Variants in DOK4 observed in about 807,000 individuals in gnomAD.
DOK4 encodes the protein downstream of tyrosine kinase 4.
Under a neutral mutation model 40.1 loss-of-function variants are expected in DOK4, and 26 were observed. That is an observed-to-expected ratio of 0.65 (90% CI 0.48 to 0.90). The LOEUF is 0.90. Ranked by LOEUF, DOK4 falls within the 40% of genes least tolerant of loss-of-function variation. The pLI is 0.00. For missense variants in DOK4, 392 were observed against 437.2 expected, an observed-to-expected ratio of 0.90 and a Z score of 0.92; for synonymous variants, 179 against 177.0, an observed-to-expected ratio of 1.01 and a Z score of -0.09.
rs2031343620 is a variant in DOK4 at position 57,479,653 on chromosome 16, C to T, written c.-146G>A. The stretch of plus-strand genomic sequence containing the variant: ...GGGCTGCTCCTCACCTCACCCGCCT[C>T]AGCATTGTTCTAGCAGCTCCTTCGC... On this transcript the variant is annotated 5_prime_UTR_variant, in exon 2 of 9. It removes the in-frame stop codon of an upstream open reading frame in the 5' UTR. Coordinates refer to ENST00000340099, the Ensembl canonical transcript of DOK4. This position sits in a 1 kb window ranked among gnomAD's most constrained non-coding sequence, Gnocchi z 5.8. 1 of 756,714 alleles carries T rather than the reference C, an allele frequency of 1.3e-6. No individual in the cohort carries two copies. Among genetic ancestry groups the T allele is most frequent in the Non-Finnish European group, 2.2e-6 (1 of 449,064 alleles). 46.9% of individuals were successfully genotyped at this position (756,714 alleles called of 1,614,324 possible). A position where few individuals can be genotyped will look rare whatever the true frequency, so the allele number is the denominator to read the frequency against.
intron 2 of DOK4, 35 bp from the exon 3 acceptor site, chr16:57,475,992 G>A (rs756541176): frequency 9.0e-6 from 14 of 1,557,556 alleles, no homozygotes; most frequent in Admixed American, 1.8e-5. Context: ...AGGCCTCCCT[G>A]GACCACTCCC....
At chr16:57,473,243 G>A in exon 9 of DOK4, 1 of 1,350,038 alleles carries the variant, frequency 7.4e-7, no homozygotes, top group African/African-American at 1.5e-5. Flanking sequence ...TCATCCTTGG[G>A]GGCAAGGAGG....
In DOK4 at chr16:57,475,632, T is replaced by A. The variant is rs1174090553; in HGVS notation, c.175-12A>T. On this transcript the variant is annotated splice_polypyrimidine_tract_variant and intron_variant, in intron 3 of 8. Coordinates refer to ENST00000340099, the Ensembl canonical transcript of DOK4. ...CTGATCTCAGTCACCTGGGACAGCA[T>A]CCACAAGGGACTTAGCCAGGCCAGT... The A allele has an allele frequency of 6.4e-7, 1 of 1,569,636 alleles. No individual in the cohort carries two copies. The highest frequency in any genetic ancestry group is 1.4e-5 in the African/African-American group (1 of 71,076).
At chr16:57,487,255 C>G (rs1333952156), upstream of DOK4, 1 of 152,234 alleles carries the variant, frequency 6.6e-6, no homozygotes, top group East Asian at 1.9e-4. Context: ...CCTTTTTACA[C>G]CAGGGCTTCT....
rs1189626423 is a variant in DOK4 at position 57,479,253 on chromosome 16, C to T, written c.66+189G>A. 6.6e-6 allele frequency among the ~76,000 whole-genome samples: 1 copy of T among 152,250 alleles called. No individual in the cohort carries two copies. Among genetic ancestry groups the T allele is most frequent in the Non-Finnish European group, 1.5e-5 (1 of 68,044 alleles). ...AGCCAGCCCTCTGGGGCGGGGGCTG[C>T]AGCAGGCAGAACCCAGCCCAGGCAC... On this transcript the variant is annotated intron_variant, in intron 2 of 8. Coordinates refer to ENST00000340099, the Ensembl canonical transcript of DOK4. The surrounding 1 kb of genome is among the most constrained non-coding windows in gnomAD (Gnocchi z 5.8).
chr16:57,481,417 T>C (rs1468573644), intron 1 of DOK4: 1 of 152,300 alleles, frequency 6.6e-6, no homozygotes, highest in Non-Finnish European at 1.5e-5. Flanking sequence ...AGGTCTGGTC[T>C]GGGGTCCCCT....
rs1193972556 is a variant in DOK4, at chr16:57,485,120, A to G, written c.-182+1185T>C. On this transcript the variant is annotated intron_variant, in intron 1 of 8. Transcript: ENST00000340099. The surrounding 1 kb of genome is among the most constrained non-coding windows in gnomAD (Gnocchi z 4.3). ...GGTGCGTGAGCCACAGTGGGCTCCCAGCTCCTGGGTCTCAGCGCTGACTGG... is the reference window on the plus strand; with the variant it reads ...GGTGCGTGAGCCACAGTGGGCTCCCGGCTCCTGGGTCTCAGCGCTGACTGG... Among the ~76,000 whole-genome samples the G allele has an allele frequency of 1.3e-5, 2 of 152,196 alleles. No individual in the cohort carries two copies.
exon 6 of DOK4, chr16:57,474,797 C>T: frequency 6.2e-7 from 1 of 1,613,764 alleles, no homozygotes; most frequent in South Asian, 1.1e-5. Context: ...TCCTACCGGC[C>T]AGCCTCGAAG....
chr16:57,484,997 G>A (rs1259153533), intron 1 of DOK4, among the ~76,000 whole-genome samples: 26 of 152,320 alleles, frequency 1.7e-4, no homozygotes, highest in African/African-American at 5.5e-4. Context: ...AATATTTGGG[G>A]GCTGAACACG....
At chr16:57,478,016 G>A (rs1392269683) in intron 2 of DOK4, among the ~76,000 whole-genome samples, 7 of 152,236 alleles carry the variant, frequency 4.6e-5, no homozygotes, top group African/African-American at 1.4e-4. Flanking sequence ...GGCACACTCT[G>A]CCCTGGGCAA....
rs2031031116 is a variant in DOK4, at chr16:57,474,106, C to A, written c.600-67G>T. Reference sequence around the variant, plus strand: ...ACAGACATGCATGTGATTAGTTAGGCTCTCTTGCAACTGCAAGTTGTGGTT... The same window carrying A: ...ACAGACATGCATGTGATTAGTTAGGATCTCTTGCAACTGCAAGTTGTGGTT... On this transcript the variant is annotated intron_variant, in intron 6 of 8. Transcript: ENST00000340099. 2.5e-6 allele frequency: 4 copies of A among 1,595,916 alleles called. No homozygotes were observed. The East Asian group carries it at 9.0e-5, about 36-fold the overall frequency.
At chr16:57,478,506 G>T (rs920608836) in intron 2 of DOK4, 1 of 152,284 alleles carries the variant, frequency 6.6e-6, no homozygotes, top group African/African-American at 2.4e-5. Flanking sequence ...CAGTCACCAG[G>T]GCTGTCCTTC....
At chr16:57,472,101 C>T (rs2030873248) in exon 9 of DOK4, 1 of 152,666 alleles carries the variant, frequency 6.6e-6, no homozygotes, top group African/African-American at 2.4e-5. Flanking sequence ...TACAGGCTAG[C>T]TCATCCCTCT....
At chr16:57,473,621 C>G (rs1343540623) in exon 8 of DOK4, 1 of 1,614,258 alleles carries the variant, frequency 6.2e-7, no homozygotes, top group Non-Finnish European at 8.5e-7. Context: ...ACCAGCATAG[C>G]TGGAGGCTTC....
In DOK4 at chr16:57,479,593, A is replaced by C; in HGVS notation, c.-86T>G. 7 of 1,462,544 alleles carry C rather than the reference A, an allele frequency of 4.8e-6. No homozygotes were observed. Among genetic ancestry groups the C allele is most frequent in the South Asian group, 1.2e-5 (1 of 86,806 alleles). The allele number at this position is 1,462,544 out of a possible 1,614,324, so 90.6% of individuals were successfully genotyped here. On this transcript the variant is annotated 5_prime_UTR_variant, in exon 2 of 9. Coordinates refer to ENST00000340099, the Ensembl canonical transcript of DOK4. This position sits in a 1 kb window ranked among gnomAD's most constrained non-coding sequence, Gnocchi z 5.8. ...GCCTGGGTCTCCGGCTCCTCCAATC[A>C]CCTGTTCCAGACACTCTGTCGGGGC...
chr16:57,476,105 A>G, intron 2 of DOK4, 148 bp from the exon 3 acceptor site: 1 of 640,110 alleles, frequency 1.6e-6, no homozygotes, highest in Non-Finnish European at 2.8e-6. Context: ...GGTGGGAGTC[A>G]CCAGCAGTGT....
At position 57,479,386 on chromosome 16, in the gene DOK4, G is replaced by A. The variant is rs1395931117; in HGVS notation, c.66+56C>T. 7.5e-6 allele frequency: 12 copies of A among 1,595,564 alleles called. No homozygotes were observed. In the East Asian group the frequency reaches 9.0e-5, roughly 12 times the overall value. On this transcript the variant is annotated intron_variant, in intron 2 of 8. Coordinates refer to ENST00000340099, the Ensembl canonical transcript of DOK4. The surrounding 1 kb of genome is among the most constrained non-coding windows in gnomAD (Gnocchi z 5.8). ...GCGCCATGCCTCCAAGCCTGGGACC[G>A]AGTCCTCGGGCCCCCATCCCTTGGC...
intron 1 of DOK4, among the ~76,000 whole-genome samples, chr16:57,480,743 T>A (rs1348861969): frequency 1.3e-5 from 2 of 152,078 alleles, no homozygotes; most frequent in African/African-American, 4.8e-5. Context: ...ATCAGGCAGA[T>A]CTACAGACAA....
intron 3 of DOK4, 37 bp from the exon 4 acceptor site, chr16:57,475,657 T>C: frequency 6.8e-7 from 1 of 1,469,870 alleles, no homozygotes. Flanking sequence ...GCCAGGCCAG[T>C]GCATCTCTCT....
Sources: gnomAD v4.1 joint callset for allele counts (sites outside exome capture counted in the v4.1 genomes callset) on GRCh38, gnomAD v4.1.1 for gene constraint, Gnocchi (gnomAD v3.1) non-coding constraint, MANE v1.5 for transcripts, NCBI Gene and HGNC (gene_info 2026-07-23, HGNC 2026-07-21) for gene names.